PKP4: variants seen among roughly 807,000 people sequenced by gnomAD.
PKP4 encodes the protein plakophilin-4.
PKP4 carries 90 observed loss-of-function variants against 145.1 expected under a neutral mutation model. The observed-to-expected ratio is 0.62, with a 90% CI of 0.52 to 0.74. The LOEUF (loss-of-function observed/expected upper bound fraction) is 0.74, where lower values mean the gene tolerates loss of function less well. Among genes scored for constraint, PKP4 ranks in the 30% least tolerant of loss-of-function variants. The pLI, the probability that PKP4 is intolerant of heterozygous loss-of-function variation, is 0.00. For synonymous variants in PKP4, 563 were observed against 577.2 expected (o/e 0.98, Z 0.35); for missense variants, 1,340 against 1,482.7 (o/e 0.90, Z 1.58).
intron 1 of PKP4, among the ~76,000 whole-genome samples, chr2:158,522,468 C>CT (rs2042465596): frequency 2.0e-5 from 3 of 152,198 alleles, no homozygotes; most frequent in Non-Finnish European, 2.9e-5. Context: ...CACAATTATA[C>CT]TGCCAGTTTC....
intron 1 of PKP4, among the ~76,000 whole-genome samples, chr2:158,512,618 A>G (rs2041613370): frequency 6.6e-6 from 1 of 152,248 alleles, no homozygotes; most frequent in African/African-American, 2.4e-5. Context: ...TAATAGATGT[A>G]TATTACCCAT....
intron 2 of PKP4, among the ~76,000 whole-genome samples, chr2:158,551,930 G>A (rs986340363): frequency 1.3e-5 from 2 of 152,154 alleles, no homozygotes; most frequent in African/African-American, 4.8e-5. Context: ...AACTGATTGT[G>A]GGAGGCAGAA....
chr2:158,564,441 T>C (rs2046808597), intron 2 of PKP4, among the ~76,000 whole-genome samples: 1 of 152,220 alleles, frequency 6.6e-6, no homozygotes. Context: ...ATTCAAATTG[T>C]TTCAAATGAT....
At chr2:158,671,301 G>A (rs917611339) in intron 17 of PKP4, among the ~76,000 whole-genome samples, 10 of 151,534 alleles carry the variant, frequency 6.6e-5, no homozygotes, top group African/African-American at 2.4e-4. Flanking sequence ...ACACCTATCA[G>A]CAGTAATGAT....
intron 1 of PKP4, among the ~76,000 whole-genome samples, chr2:158,506,889 G>A (rs1409867184): frequency 6.6e-6 from 1 of 152,172 alleles, no homozygotes; most frequent in Non-Finnish European, 1.5e-5. Context: ...GGATGGATGG[G>A]TCTAAAAGGA....
intron 2 of PKP4, among the ~76,000 whole-genome samples, chr2:158,543,196 G>A (rs747319490): frequency 7.2e-5 from 11 of 152,182 alleles, no homozygotes; most frequent in East Asian, 1.9e-4. Flanking sequence ...CAAAATATAC[G>A]TACAAATCGA....
chr2:158,533,326 C>G lies in PKP4; in HGVS notation c.132+10C>G. 6.2e-7 allele frequency: 1 copy of G among 1,613,744 alleles called. No individual in the cohort carries two copies. Among genetic ancestry groups the G allele is most frequent in the South Asian group, 1.1e-5 (1 of 91,050 alleles). On this transcript the variant is annotated intron_variant, in intron 2 of 21. Transcript: ENST00000389759. The stretch of plus-strand genomic sequence containing the variant: ...ATCCGTGAAGGAGCAGGTACATCCT[C>G]GTATTGAAAGTTGCAGTGAATTATT...
At chr2:158,618,055 C>A (rs2105885634) in intron 4 of PKP4, among the ~76,000 whole-genome samples, 1 of 152,268 alleles carries the variant, frequency 6.6e-6, no homozygotes, top group East Asian at 1.9e-4. Flanking sequence ...TGGTGGAACA[C>A]ATCTGTAATC....
At chr2:158,566,818 T>C (rs919683052) in intron 2 of PKP4, among the ~76,000 whole-genome samples, 4 of 152,206 alleles carry the variant, frequency 2.6e-5, no homozygotes, top group Non-Finnish European at 5.9e-5. Context: ...CTAGAATTAT[T>C]TATATCTGCA....
At chr2:158,606,401 T>G (rs1033601411) in intron 4 of PKP4, among the ~76,000 whole-genome samples, 10 of 152,114 alleles carry the variant, frequency 6.6e-5, no homozygotes, top group African/African-American at 1.9e-4. Flanking sequence ...AACACGTTAT[T>G]ATCCTTTTTA....
At chr2:158,550,199 G>C (rs1371226741) in intron 2 of PKP4, among the ~76,000 whole-genome samples, 1 of 101,008 alleles carries the variant, frequency 9.9e-6, no homozygotes, top group Non-Finnish European at 2.8e-5. Flanking sequence ...AAGTCTATTT[G>C]TAATGTGTAT....
chr2:158,479,399 T>C (rs1693001292), intron 1 of PKP4, among the ~76,000 whole-genome samples: 1 of 152,086 alleles, frequency 6.6e-6, no homozygotes, highest in Non-Finnish European at 1.5e-5. Flanking sequence ...AATTTTTGTA[T>C]GTTTTGTAGA....
intron 2 of PKP4, among the ~76,000 whole-genome samples, chr2:158,552,295 A>G (rs1250772270): frequency 1.3e-5 from 2 of 152,156 alleles, no homozygotes; most frequent in African/African-American, 4.8e-5. Context: ...AGTGAAAATG[A>G]TTTCTGATTT....
intron 4 of PKP4, among the ~76,000 whole-genome samples, chr2:158,619,945 GCACACACACAC>G: frequency 2.2e-5 from 1 of 46,392 alleles, no homozygotes; most frequent in African/African-American, 5.0e-5. Flanking sequence ...ACACACACAC[GCACACACACAC>G]CCCTTACCTT....
At chr2:158,676,195 T>G (rs912653884) in intron 19 of PKP4, among the ~76,000 whole-genome samples, 2 of 152,178 alleles carry the variant, frequency 1.3e-5, no homozygotes, top group Non-Finnish European at 2.9e-5. Flanking sequence ...ATTATAAATT[T>G]TATAGAATGG....
chr2:158,551,754 A>G (rs1254371307), intron 2 of PKP4, among the ~76,000 whole-genome samples: 1 of 152,258 alleles, frequency 6.6e-6, no homozygotes, highest in Non-Finnish European at 1.5e-5. Context: ...AAAGTTAATT[A>G]TACTTATTCG....
At chr2:158,510,975 C>G (rs1158292754) in intron 1 of PKP4, among the ~76,000 whole-genome samples, 1 of 152,200 alleles carries the variant, frequency 6.6e-6, no homozygotes, top group African/African-American at 2.4e-5. Context: ...AAGTGCAGCT[C>G]AATTCCTGTT....
At chr2:158,516,658 C>CTT (rs764067744) in intron 1 of PKP4, among the ~76,000 whole-genome samples, 4 of 132,454 alleles carry the variant, frequency 3.0e-5, no homozygotes, top group Middle Eastern at 3.7e-3. Context: ...ATATACTTTT[C>CTT]TTTTTTTTTT....
Position 158,585,460 on chromosome 2 carries a change from G to A in PKP4, c.245+8077G>A, listed in dbSNP as rs1574629553. ...TCGAGTCATCTGCAGATGCCCATCA[G>A]GTTTCGATTGATATTACTAAAAATC... On this transcript the variant is annotated intron_variant, in intron 3 of 21. Coordinates refer to ENST00000389759, the MANE Select transcript of PKP4 (RefSeq NM_003628.6). 3.3e-5 allele frequency among the ~76,000 whole-genome samples: 5 copies of A among 152,262 alleles called. 1 individual carries two copies. In the Middle Eastern group the frequency reaches 0.01, roughly 311 times the overall value.
Sources: allele counts gnomAD v4.1 joint callset (sites outside exome capture counted in the v4.1 genomes callset), GRCh38; gene constraint gnomAD v4.1.1; transcripts MANE v1.5; gene names NCBI Gene and HGNC (gene_info 2026-07-23, HGNC 2026-07-21).